ZFPM2: variants seen among roughly 807,000 people sequenced by gnomAD.
ZFPM2 encodes zinc finger protein, FOG family member 2, also known as zinc finger protein ZFPM2.
Under a neutral mutation model 98.6 loss-of-function variants are expected in ZFPM2, and 20 were observed. The ratio of observed to expected loss-of-function variants is 0.20; its 90% CI spans 0.14 to 0.29. The LOEUF (loss-of-function observed/expected upper bound fraction) is 0.29. Among genes scored for constraint, ZFPM2 ranks in the 10% least tolerant of loss-of-function variants. ZFPM2 has a pLI of 1.00. For missense variants in ZFPM2, 1,310 were observed against 1,388.6 expected (o/e 0.94, Z 0.90); for synonymous variants, 518 against 502.7 (o/e 1.03, Z -0.41).
chr8:105,596,468 C>T (rs1368930589), intron 4 of ZFPM2, among the ~76,000 whole-genome samples: 1 of 152,032 alleles, frequency 6.6e-6, no homozygotes, highest in Non-Finnish European at 1.5e-5. Context: ...GATTGGCACT[C>T]TCCCTGGTTG....
chr8:105,797,979 C>T (rs543837938), intron 6 of ZFPM2: 29 of 152,140 alleles, frequency 1.9e-4, no homozygotes, highest in African/African-American at 6.7e-4. Flanking sequence ...TATACCCAGC[C>T]GAACACAGAG....
At position 105,801,035 on chromosome 8, in the gene ZFPM2, A is replaced by G. The variant is rs764239992; in HGVS notation, c.965-12A>G. ...ATGTTTCTCATTGTTCTTATTTTGT[A>G]TGTCTCTCTAGGAGTGAAAATGGAA... is the stretch of plus-strand genomic sequence containing the variant. On this transcript the variant is annotated splice_polypyrimidine_tract_variant and intron_variant, in intron 7 of 7. Coordinates refer to ENST00000407775, the MANE Select transcript of ZFPM2 (RefSeq NM_012082.4). The G allele has an allele frequency of 1.1e-5, 17 of 1,594,742 alleles. No individual in the cohort carries two copies. Among genetic ancestry groups the G allele is most frequent in the Non-Finnish European group, 1.5e-5 (17 of 1,167,956 alleles).
chr8:105,653,532 G>T (rs1011276222), intron 5 of ZFPM2, among the ~76,000 whole-genome samples: 1 of 152,204 alleles, frequency 6.6e-6, no homozygotes, highest in African/African-American at 2.4e-5. Context: ...TGTTAGAAAT[G>T]TAAAAGCTCA....
chr8:105,357,561 C>T (rs1812771522), intron 1 of ZFPM2, among the ~76,000 whole-genome samples: 2 of 152,046 alleles, frequency 1.3e-5, no homozygotes, highest in South Asian at 4.2e-4. Flanking sequence ...AATTGGGAGA[C>T]ATTATTGAAT....
intron 1 of ZFPM2, among the ~76,000 whole-genome samples, chr8:105,363,118 G>T (rs1277477807): frequency 6.6e-6 from 1 of 152,100 alleles, no homozygotes; most frequent in East Asian, 1.9e-4. Flanking sequence ...GCACAAATCG[G>T]ACTACATGAA....
At chr8:105,516,687 T>A (rs536896502) in intron 3 of ZFPM2, among the ~76,000 whole-genome samples, 1 of 152,314 alleles carries the variant, frequency 6.6e-6, no homozygotes, top group South Asian at 2.1e-4. Flanking sequence ...CTGGACTAAT[T>A]GCTTCCCTTT....
chr8:105,396,350 T>C (rs1811218075), intron 1 of ZFPM2, among the ~76,000 whole-genome samples: 1 of 152,228 alleles, frequency 6.6e-6, no homozygotes, highest in African/African-American at 2.4e-5. Flanking sequence ...TTATGTTTGA[T>C]GGAGTGTGAG....
intron 2 of ZFPM2, among the ~76,000 whole-genome samples, chr8:105,428,590 G>GT (rs1250586540): frequency 5.9e-5 from 9 of 152,214 alleles, no homozygotes; most frequent in Non-Finnish European, 8.8e-5. Flanking sequence ...GCAGAAGCCA[G>GT]TAATAAATGG....
intron 5 of ZFPM2, among the ~76,000 whole-genome samples, chr8:105,774,283 C>G (rs1813048359): frequency 6.6e-6 from 1 of 151,444 alleles, no homozygotes; most frequent in African/African-American, 2.5e-5. Context: ...AAAATAATTA[C>G]TTATGCAGAA....
At chr8:105,518,918 A>C (rs1813993506) in intron 3 of ZFPM2, among the ~76,000 whole-genome samples, 1 of 152,226 alleles carries the variant, frequency 6.6e-6, no homozygotes, top group Admixed American at 6.5e-5. Context: ...AAAAAATAGT[A>C]AATGGACAAG....
At chr8:105,548,088 C>T (rs1250283190) in intron 3 of ZFPM2, among the ~76,000 whole-genome samples, 23 of 151,720 alleles carry the variant, frequency 1.5e-4, no homozygotes, top group Admixed American at 1.5e-3. Flanking sequence ...GACATCACAC[C>T]ATTAGTTCTG....
chr8:105,595,689 C>T (rs1219669657), intron 4 of ZFPM2, among the ~76,000 whole-genome samples: 1 of 151,970 alleles, frequency 6.6e-6, no homozygotes, highest in Non-Finnish European at 1.5e-5. Flanking sequence ...CATGCTTTCC[C>T]AAGAAATCTG....
chr8:105,660,837 A>G (rs1162750116), intron 5 of ZFPM2, among the ~76,000 whole-genome samples: 3 of 152,248 alleles, frequency 2.0e-5, no homozygotes, highest in African/African-American at 7.2e-5. Context: ...CAGAACAAAT[A>G]TATCACATTT....
At chr8:105,343,845 A>T (rs1812471703) in intron 1 of ZFPM2, among the ~76,000 whole-genome samples, 1 of 152,126 alleles carries the variant, frequency 6.6e-6, no homozygotes, top group African/African-American at 2.4e-5. Context: ...TCTTTCATTC[A>T]GTTCAATTTT....
intron 5 of ZFPM2, among the ~76,000 whole-genome samples, chr8:105,732,444 A>G (rs1032883551): frequency 6.6e-6 from 1 of 151,770 alleles, no homozygotes. Flanking sequence ...AGCTACCCCC[A>G]TCAGGGCTAA....
At chr8:105,476,120 A>G (rs1163828259) in intron 3 of ZFPM2, among the ~76,000 whole-genome samples, 1 of 152,166 alleles carries the variant, frequency 6.6e-6, no homozygotes, top group Admixed American at 6.5e-5. Context: ...TGGTAGTGCA[A>G]ATATGACTTT....
intron 3 of ZFPM2, among the ~76,000 whole-genome samples, chr8:105,498,594 A>G (rs1813524478): frequency 2.0e-5 from 3 of 152,172 alleles, no homozygotes; most frequent in Non-Finnish European, 2.9e-5. Context: ...TCATTTTTAT[A>G]TCCCAAGCAT....
In ZFPM2 at chr8:105,390,024, C is replaced by T. The variant is rs550808453; in HGVS notation, c.41-29120C>T. Among the ~76,000 whole-genome samples the T allele has an allele frequency of 6.6e-5, 10 of 152,244 alleles. No individual in the cohort carries two copies. In the South Asian group the frequency reaches 1.7e-3, roughly 25 times the overall value. Reference sequence around the variant, plus strand: ...ATCTGGTATTTATGTATATTAAAATCATGCTATTTATTTTAAATTTGTATT... The same window carrying T: ...ATCTGGTATTTATGTATATTAAAATTATGCTATTTATTTTAAATTTGTATT... On this transcript the variant is annotated intron_variant, in intron 1 of 7. Transcript: ENST00000407775.
chr8:105,413,017 G>C (rs1189069923), intron 1 of ZFPM2, among the ~76,000 whole-genome samples: 2 of 151,860 alleles, frequency 1.3e-5, no homozygotes, highest in Non-Finnish European at 2.9e-5. Context: ...ATTAAGAGAG[G>C]AGGGGAACGT....
Sources: allele counts gnomAD v4.1 joint callset (sites outside exome capture counted in the v4.1 genomes callset), GRCh38; gene constraint gnomAD v4.1.1; transcripts MANE v1.5; gene names NCBI Gene and HGNC (gene_info 2026-07-23, HGNC 2026-07-21).